The following PTK2B variants were observed in gnomAD, a reference collection of about 807,000 sequenced individuals.
The protein encoded by PTK2B is protein-tyrosine kinase 2-beta.
PTK2B carries 71 observed loss-of-function variants against 142.9 expected under a neutral mutation model. The ratio of observed to expected loss-of-function variants is 0.50; its 90% confidence interval spans 0.41 to 0.61. The LOEUF is 0.61. Ranked by LOEUF, PTK2B falls within the 20% of genes least tolerant of loss-of-function variation. The probability of loss-of-function intolerance (pLI) is 0.00; values close to 1 mark genes in which losing one functional copy is unlikely to be tolerated. For missense variants in PTK2B, 1,105 were observed against 1,320.4 expected, an observed-to-expected ratio of 0.84 and a Z score of 2.53; for synonymous variants, 519 against 503.4, an observed-to-expected ratio of 1.03 and a Z score of -0.42.
At chr8:27,313,797 C>A (rs1387227478) in intron 3 of PTK2B, among the ~76,000 whole-genome samples, 1 of 152,218 alleles carries the variant, frequency 6.6e-6, no homozygotes, top group African/African-American at 2.4e-5. Flanking sequence ...GATTACCAAT[C>A]TCAAGTGTTT....
At chr8:27,431,273 C>T (rs768651164) in intron 8 of PTK2B, 125 bp from the exon 9 acceptor site, 104 of 1,554,354 alleles carry the variant, frequency 6.7e-5, no homozygotes, top group Middle Eastern at 1.7e-4. Context: ...GCCAGGGTTT[C>T]GGTGAGAAGG....
intron 1 of PTK2B, among the ~76,000 whole-genome samples, chr8:27,341,666 G>T (rs77377839): frequency 0.034 from 5,175 of 152,010 alleles, 118 homozygotes; most frequent in Middle Eastern, 0.055. Flanking sequence ...GCAGGGCTGT[G>T]GGGGGGTTTT....
chr8:27,431,483 C>T lies in PTK2B; in HGVS notation c.885+11C>T, dbSNP rs761585099. 5.0e-6 allele frequency: 8 copies of T among 1,613,596 alleles called. No homozygotes were observed. In the East Asian group the frequency reaches 1.6e-4, roughly 31 times the overall value. The stretch of plus-strand genomic sequence containing the variant: ...AGTCAGGACGCAAAGGTAGAGAGAC[C>T]CGGGGCAGCCCCACCCAGCCCCAGG... On this transcript the variant is annotated intron_variant, in intron 9 of 30. Transcript: ENST00000346049.
chr8:27,429,663 A>G (rs1047994407), intron 5 of PTK2B, among the ~76,000 whole-genome samples: 7 of 152,364 alleles, frequency 4.6e-5, no homozygotes, highest in Non-Finnish European at 8.8e-5. Context: ...CTAAATGAAC[A>G]CACAAACATA....
At chr8:27,382,649 G>A (rs78877121) in intron 1 of PTK2B, among the ~76,000 whole-genome samples, 2,843 of 152,108 alleles carry the variant, frequency 0.019, 45 homozygotes, top group Middle Eastern at 0.027. Flanking sequence ...CCAATGTCCC[G>A]AAGGATTTAC....
intron 1 of PTK2B, among the ~76,000 whole-genome samples, chr8:27,388,120 A>G (rs1470889218): frequency 1.3e-5 from 2 of 152,224 alleles, no homozygotes; most frequent in African/African-American, 4.8e-5. Flanking sequence ...TTGACCAACT[A>G]GGAATTCACC....
chr8:27,421,407 C>T (rs563741490), intron 4 of PTK2B, among the ~76,000 whole-genome samples: 15 of 151,856 alleles, frequency 9.9e-5, no homozygotes, highest in Non-Finnish European at 2.1e-4. Context: ...TGTTGGTGCA[C>T]CCATCACCCA....
At chr8:27,454,894 C>G (rs1012731996) in intron 30 of PTK2B, among the ~76,000 whole-genome samples, 2 of 152,186 alleles carry the variant, frequency 1.3e-5, no homozygotes, top group Admixed American at 6.5e-5. Context: ...CCTTTCCCCC[C>G]TCCTATTATT....
In PTK2B at chr8:27,350,990, AATATATATATATATAT is replaced by A. The variant is rs1161548916; in HGVS notation, c.-38+25345_-38+25360del. Among the ~76,000 whole-genome samples, 8 of 12,092 alleles carry A rather than the reference AATATATATATATATAT, an allele frequency of 6.6e-4. 1 individual carries two copies. The highest frequency in any genetic ancestry group is 3.7e-3 in the South Asian group (1 of 270). 7.9% of individuals were successfully genotyped at this position (12,092 alleles called of 152,430 possible). The stretch of plus-strand genomic sequence containing the variant: ...GTCTCCGTCTCAAAAAAAAAAAAAA[AATATATATATATATAT>A]ATATATATATATATATATATATATA... On this transcript the variant is annotated intron_variant, in intron 1 of 30. Transcript: ENST00000346049.
At chr8:27,435,818 G>T (rs11774417) in intron 14 of PTK2B, 25 bp downstream of exon 14, 400,885 of 1,609,050 alleles carry the variant, frequency 0.25, 52,158 homozygotes, top group Admixed American at 0.31. Context: ...CCGCCACAGC[G>T]ACCGTAGTCA....
chr8:27,387,134 G>A (rs1807413292), intron 1 of PTK2B, among the ~76,000 whole-genome samples: 1 of 152,176 alleles, frequency 6.6e-6, no homozygotes, highest in South Asian at 2.1e-4. Flanking sequence ...CAGATCAGGG[G>A]TGGAGGGAAG....
At chr8:27,398,944 T>G (rs989739627) in intron 2 of PTK2B, among the ~76,000 whole-genome samples, 2 of 152,224 alleles carry the variant, frequency 1.3e-5, no homozygotes, top group Non-Finnish European at 2.9e-5. Flanking sequence ...TTTGATTGGC[T>G]CTCTCTGTTT....
At chr8:27,390,839 A>G (rs755315072) in intron 1 of PTK2B, among the ~76,000 whole-genome samples, 2 of 152,102 alleles carry the variant, frequency 1.3e-5, no homozygotes, top group Non-Finnish European at 2.9e-5. Flanking sequence ...GCCCCAATGG[A>G]GGAAACTGAG....
intron 2 of PTK2B, among the ~76,000 whole-genome samples, chr8:27,401,811 T>C (rs538968220): frequency 1.5e-4 from 23 of 152,346 alleles, no homozygotes; most frequent in African/African-American, 5.1e-4. Context: ...GGAAATGTTA[T>C]GTGGCTATTA....
chr8:27,420,461 C>T (rs1222500240), intron 3 of PTK2B, among the ~76,000 whole-genome samples, 196 bp from the exon 4 acceptor site: 1 of 152,192 alleles, frequency 6.6e-6, no homozygotes, highest in African/African-American at 2.4e-5. Flanking sequence ...TGCCAGCCAC[C>T]TCCCTGTTGA....
chr8:27,354,971 G>A (rs1319467140), intron 1 of PTK2B, among the ~76,000 whole-genome samples: 1 of 152,154 alleles, frequency 6.6e-6, no homozygotes, highest in South Asian at 2.1e-4. Flanking sequence ...TCAGTCTTGA[G>A]GGAATGATGT....
intron 2 of PTK2B, among the ~76,000 whole-genome samples, chr8:27,406,799 A>G (rs1290472239): frequency 1.3e-5 from 2 of 152,330 alleles, no homozygotes; most frequent in African/African-American, 2.4e-5. Flanking sequence ...GGTACCATGA[A>G]TGCTCTGAAC....
intron 1 of PTK2B, among the ~76,000 whole-genome samples, chr8:27,391,253 C>T (rs866987482): frequency 6.6e-6 from 1 of 152,084 alleles, no homozygotes; most frequent in South Asian, 2.1e-4. Flanking sequence ...CGTGCCACCA[C>T]ACCCAACTAA....
At chr8:27,391,977 G>A (rs1046197182) in intron 1 of PTK2B, among the ~76,000 whole-genome samples, 62 of 152,302 alleles carry the variant, frequency 4.1e-4, no homozygotes, top group African/African-American at 1.4e-3. Flanking sequence ...CCGACGGTCT[G>A]GGGCAGACCA....
Sources: allele counts gnomAD v4.1 joint callset (sites outside exome capture counted in the v4.1 genomes callset), GRCh38; gene constraint gnomAD v4.1.1; transcripts MANE v1.5; gene names NCBI Gene and HGNC (gene_info 2026-07-23, HGNC 2026-07-21).